NALF1: variants seen among roughly 807,000 people sequenced by gnomAD.
NALF1 encodes NALCN channel auxiliary factor 1, also known as family with sequence similarity 155 member A.
Under a neutral mutation model 48.4 loss-of-function variants are expected in NALF1, and 3 were observed. That is an observed-to-expected ratio of 0.06 (90% CI 0.03 to 0.16). The LOEUF is 0.16. Ranked by LOEUF, NALF1 falls within the 10% of genes least tolerant of loss-of-function variation. NALF1 has a pLI of 1.00. For synonymous variants in NALF1, 262 were observed against 245.7 expected (o/e 1.07, Z -0.62); for missense variants, 526 against 571.5 (o/e 0.92, Z 0.81).
intron 2 of NALF1, among the ~76,000 whole-genome samples, chr13:107,186,127 G>C (rs1424094015): frequency 6.6e-6 from 1 of 152,136 alleles, no homozygotes; most frequent in Non-Finnish European, 1.5e-5. Context: ...CTTAGTAGCT[G>C]TTTTGGTTAT....
intron 1 of NALF1, among the ~76,000 whole-genome samples, chr13:107,859,464 T>G (rs1313222225): frequency 6.6e-6 from 1 of 152,158 alleles, no homozygotes; most frequent in Non-Finnish European, 1.5e-5. Context: ...ACTACCATAT[T>G]TTAACACCTT....
chr13:107,825,923 G>A (rs1879502042), intron 1 of NALF1, among the ~76,000 whole-genome samples: 1 of 152,086 alleles, frequency 6.6e-6, no homozygotes, highest in Non-Finnish European at 1.5e-5. Flanking sequence ...TAGGATTACA[G>A]GCTCCCGCCA....
intron 1 of NALF1, among the ~76,000 whole-genome samples, chr13:107,400,708 T>TAAATAAAATA (rs71204824): frequency 2.3e-4 from 34 of 150,462 alleles, no homozygotes; most frequent in Non-Finnish European, 3.5e-4. Flanking sequence ...TGTCTCAAAA[T>TAAATAAAATA]AAATAAAATA....
At chr13:107,574,492 G>A (rs927143383) in intron 1 of NALF1, among the ~76,000 whole-genome samples, 3 of 152,192 alleles carry the variant, frequency 2.0e-5, no homozygotes, top group Non-Finnish European at 4.4e-5. Flanking sequence ...CTCAGTAAAT[G>A]TTAAATATGG....
intron 1 of NALF1, among the ~76,000 whole-genome samples, chr13:107,238,393 G>C (rs1218239962): frequency 6.6e-6 from 1 of 152,140 alleles, no homozygotes; most frequent in Non-Finnish European, 1.5e-5. Flanking sequence ...TGTTAAGATG[G>C]GTGGATGGAG....
intron 1 of NALF1, among the ~76,000 whole-genome samples, chr13:107,268,180 G>C (rs909354243): frequency 2.0e-5 from 3 of 151,886 alleles, no homozygotes; most frequent in Admixed American, 6.6e-5. Flanking sequence ...AGTAGAGACT[G>C]GGTTTTACCA....
At chr13:107,642,166 G>C (rs1389721481) in intron 1 of NALF1, among the ~76,000 whole-genome samples, 1 of 152,176 alleles carries the variant, frequency 6.6e-6, no homozygotes, top group Non-Finnish European at 1.5e-5. Context: ...TAAAAGCTGA[G>C]ACGCTCTGCT....
At chr13:107,615,339 T>C (rs924928161) in intron 1 of NALF1, among the ~76,000 whole-genome samples, 5 of 152,138 alleles carry the variant, frequency 3.3e-5, no homozygotes, top group Admixed American at 6.5e-5. Context: ...CCTGGTACCA[T>C]GTTGGCGGGT....
intron 1 of NALF1, among the ~76,000 whole-genome samples, chr13:107,562,455 G>A (rs1415104761): frequency 2.6e-5 from 4 of 152,212 alleles, no homozygotes. Flanking sequence ...CGACCCTGCT[G>A]TGCCTCCTCT....
intron 1 of NALF1, among the ~76,000 whole-genome samples, chr13:107,820,215 G>C (rs1179698287): frequency 6.6e-6 from 1 of 152,102 alleles, no homozygotes; most frequent in African/African-American, 2.4e-5. Context: ...TTCTGCATAA[G>C]GTAAGAGATC....
intron 1 of NALF1, among the ~76,000 whole-genome samples, chr13:107,522,220 C>T (rs560743831): frequency 2.0e-5 from 3 of 152,216 alleles, no homozygotes; most frequent in Middle Eastern, 3.4e-3. Flanking sequence ...CCTCTTAATG[C>T]TATTGGATAT....
intron 1 of NALF1, among the ~76,000 whole-genome samples, chr13:107,585,504 G>T (rs1035581976): frequency 1.3e-5 from 2 of 152,160 alleles, no homozygotes; most frequent in Admixed American, 6.6e-5. Flanking sequence ...AGGCAAAGGA[G>T]AAAGCTTCTG....
intron 1 of NALF1, among the ~76,000 whole-genome samples, chr13:107,317,742 T>G (rs1882178018): frequency 1.3e-5 from 2 of 151,846 alleles, no homozygotes; most frequent in African/African-American, 2.4e-5. Flanking sequence ...AATTATAATA[T>G]CCACACCACA....
chr13:107,668,230 G>C lies in NALF1; in HGVS notation c.915+197452C>G, dbSNP rs532282955. Among the ~76,000 whole-genome samples the C allele has an allele frequency of 5.9e-5, 9 of 152,134 alleles. No individual in the cohort carries two copies. The East Asian group carries it at 1.7e-3, about 29-fold the overall frequency. On this transcript the variant is annotated intron_variant, in intron 1 of 2. Coordinates refer to ENST00000375915, the MANE Select transcript of NALF1 (RefSeq NM_001080396.3). Reference sequence around the variant, plus strand: ...CCTACCCAAAGAATAAACATGCAGGGTTTAAAGATGGGAAAATAGTATGTA... The same window carrying C: ...CCTACCCAAAGAATAAACATGCAGGCTTTAAAGATGGGAAAATAGTATGTA...
intron 1 of NALF1, among the ~76,000 whole-genome samples, chr13:107,324,035 A>G (rs1882304480): frequency 6.6e-6 from 1 of 152,158 alleles, no homozygotes; most frequent in African/African-American, 2.4e-5. Context: ...CTTGAGTCCA[A>G]GAATTCGAGG....
intron 1 of NALF1, among the ~76,000 whole-genome samples, chr13:107,714,850 T>G (rs957635047): frequency 6.6e-6 from 1 of 152,162 alleles, no homozygotes; most frequent in Non-Finnish European, 1.5e-5. Flanking sequence ...TTTCATATTT[T>G]GAATTATTTG....
intron 1 of NALF1, among the ~76,000 whole-genome samples, chr13:107,707,212 G>A (rs1458102965): frequency 6.6e-6 from 1 of 151,742 alleles, no homozygotes; most frequent in Non-Finnish European, 1.5e-5. Flanking sequence ...GTGAGCCACC[G>A]CGCCCGGCCA....
chr13:107,647,015 G>T (rs1329609464), intron 1 of NALF1, among the ~76,000 whole-genome samples: 1 of 151,774 alleles, frequency 6.6e-6, no homozygotes, highest in East Asian at 1.9e-4. Context: ...CCACTCATTG[G>T]GTAAAGACTT....
chr13:107,218,028 C>T (rs1199691510), intron 1 of NALF1, among the ~76,000 whole-genome samples: 1 of 152,188 alleles, frequency 6.6e-6, no homozygotes, highest in African/African-American at 2.4e-5. Flanking sequence ...TGCGACCTTG[C>T]CCTGCTGAGC....
Sources: allele counts gnomAD v4.1 joint callset (sites outside exome capture counted in the v4.1 genomes callset), GRCh38; gene constraint gnomAD v4.1.1; transcripts MANE v1.5; gene names NCBI Gene and HGNC (gene_info 2026-07-23, HGNC 2026-07-21).